The following NETO1 variants were observed in gnomAD, a reference collection of about 807,000 sequenced individuals.
NETO1 encodes neuropilin and tolloid-like protein 1.
Under a neutral mutation model 61.3 loss-of-function variants are expected in NETO1, and 26 were observed. The ratio of observed to expected loss-of-function variants is 0.42; its 90% confidence interval spans 0.31 to 0.59. NETO1 has a LOEUF of 0.59. NETO1 is among the 20% of genes least tolerant of loss of function. The pLI is 0.12. For synonymous variants in NETO1, 225 were observed against 225.8 expected (o/e 1.00, Z 0.03); for missense variants, 531 against 662.8 (o/e 0.80, Z 2.18).
rs2073535600 is a variant in NETO1, at chr18:72,830,368, G to A, written c.469+28458C>T. Among the ~76,000 whole-genome samples the A allele has an allele frequency of 6.6e-6, 1 of 152,154 alleles. No individual in the cohort carries two copies. Among genetic ancestry groups the A allele is most frequent in the Non-Finnish European group, 1.5e-5 (1 of 68,026 alleles). On this transcript the variant is annotated intron_variant, in intron 4 of 10. Transcript: ENST00000327305. This position sits in a 1 kb window ranked among gnomAD's most constrained non-coding sequence, Gnocchi z 4.9. ...ACCCCAGAAACGGGTTGGCAGGGAG[G>A]CCACAACTTCAGAGACATCAGTAGC...
intron 4 of NETO1, among the ~76,000 whole-genome samples, chr18:72,813,187 A>T (rs1288092465): frequency 6.6e-6 from 1 of 152,200 alleles, no homozygotes; most frequent in Non-Finnish European, 1.5e-5. Context: ...ACAATGTGCG[A>T]GAGAATTTTC....
rs540948597 is a variant in NETO1 at position 72,847,259 on chromosome 18, C to G, written c.469+11567G>C. Among the ~76,000 whole-genome samples the G allele has an allele frequency of 7.5e-4, 114 of 152,268 alleles. 1 individual carries two copies. The South Asian group carries it at 0.023, about 31-fold the overall frequency. On this transcript the variant is annotated intron_variant, in intron 4 of 10. Coordinates refer to ENST00000327305, the MANE Select transcript of NETO1 (RefSeq NM_138966.5). ...GCCCTGCTGATTGTGAACAGTCATA[C>G]TTTAGTGTAATCACTCTGTGATTCT...
intron 4 of NETO1, among the ~76,000 whole-genome samples, chr18:72,818,412 G>A (rs1449705565): frequency 6.6e-6 from 1 of 152,160 alleles, no homozygotes; most frequent in Non-Finnish European, 1.5e-5. Context: ...ACGCTACAAA[G>A]GCACAATGAG....
At chr18:72,779,854 G>A (rs944079823) in intron 7 of NETO1, among the ~76,000 whole-genome samples, 2 of 152,156 alleles carry the variant, frequency 1.3e-5, no homozygotes, top group South Asian at 2.1e-4. Flanking sequence ...CCACGGTTCT[G>A]GATGTTAGGA....
At chr18:72,748,558 A>G (rs956380680) in intron 10 of NETO1, among the ~76,000 whole-genome samples, 2 of 152,114 alleles carry the variant, frequency 1.3e-5, no homozygotes, top group African/African-American at 4.8e-5. Context: ...AGTACCAAAA[A>G]TATTTAGTGT....
chr18:72,786,306 C>T (rs1035328279), intron 6 of NETO1, among the ~76,000 whole-genome samples: 1 of 152,080 alleles, frequency 6.6e-6, no homozygotes, highest in Non-Finnish European at 1.5e-5. Flanking sequence ...ATGTTGCAGA[C>T]TTGTAAGATG....
intron 4 of NETO1, among the ~76,000 whole-genome samples, chr18:72,804,042 A>G (rs1296707583): frequency 6.6e-6 from 1 of 152,008 alleles, no homozygotes; most frequent in Non-Finnish European, 1.5e-5. Context: ...TAATATCTTC[A>G]TATTAATTTA....
intron 4 of NETO1, among the ~76,000 whole-genome samples, chr18:72,812,982 T>C (rs2072916395): frequency 6.6e-6 from 1 of 152,172 alleles, no homozygotes; most frequent in Admixed American, 6.5e-5. Flanking sequence ...TTTATAATAA[T>C]TGTTTTTAGG....
chr18:72,824,773 G>T (rs566979996), intron 4 of NETO1, among the ~76,000 whole-genome samples: 1 of 151,500 alleles, frequency 6.6e-6, no homozygotes, highest in African/African-American at 2.4e-5. Flanking sequence ...CAGCTACGCC[G>T]GAGGCTAAGG....
chr18:72,776,496 A>G (rs749292636), intron 7 of NETO1, among the ~76,000 whole-genome samples: 3 of 152,222 alleles, frequency 2.0e-5, no homozygotes, highest in Non-Finnish European at 2.9e-5. Context: ...GGAGCAGCTT[A>G]TGACCAACAG....
At position 72,747,351 on chromosome 18, in the gene NETO1, A is replaced by T. The variant is rs1205234769; in HGVS notation, c.*828T>A. On this transcript the variant is annotated 3_prime_UTR_variant, in exon 11 of 11. Coordinates refer to ENST00000327305, the MANE Select transcript of NETO1 (RefSeq NM_138966.5). Reference sequence around the variant, plus strand: ...CATGCTTTTCACAATGTGTCTAACAAAAAGGATATTTTCCCAACTCAAATA... The same window carrying T: ...CATGCTTTTCACAATGTGTCTAACATAAAGGATATTTTCCCAACTCAAATA... 3.3e-5 allele frequency: 5 copies of T among 152,120 alleles called. No homozygotes were observed. The highest frequency in any genetic ancestry group is 5.9e-5 in the Non-Finnish European group (4 of 67,982). The allele number at this position is 152,120 out of a possible 1,614,324, so 9.4% of individuals were successfully genotyped here.
intron 7 of NETO1, among the ~76,000 whole-genome samples, chr18:72,763,451 T>C (rs985346628): frequency 4.6e-5 from 7 of 152,078 alleles, no homozygotes; most frequent in Non-Finnish European, 1.0e-4. Flanking sequence ...TCAGACATTC[T>C]TGCTTCTTGC....
chr18:72,808,463 T>C (rs976096983), intron 4 of NETO1, among the ~76,000 whole-genome samples: 26 of 129,032 alleles, frequency 2.0e-4, no homozygotes, highest in Non-Finnish European at 3.9e-4. Context: ...GTGGAGTGTG[T>C]GTGTGGTGAG....
chr18:72,764,506 G>A (rs923407561), intron 7 of NETO1, among the ~76,000 whole-genome samples: 2 of 151,984 alleles, frequency 1.3e-5, no homozygotes, highest in African/African-American at 2.4e-5. Flanking sequence ...CCCTGTAGCT[G>A]AGCCCCCTGA....
intron 4 of NETO1, among the ~76,000 whole-genome samples, chr18:72,800,958 G>A (rs1209660668): frequency 6.6e-6 from 1 of 152,208 alleles, no homozygotes; most frequent in Non-Finnish European, 1.5e-5. Flanking sequence ...GCAGCCTCAT[G>A]TTTAACAAAC....
chr18:72,750,563 C>T lies in NETO1; in HGVS notation c.1040G>A (p.Gly347Asp). ...QLTNTSGTVI[G>D]VTSCIVIILI... ...GATGATCACGATGCAGGAAGTCACG[C>T]CAATGACAGTCCCACTGGTGTTGGT... The change falls in exon 9 of 11, where the codon GGC becomes GAC. Residue 347 changes from glycine (G) to aspartate (D), a missense_variant. Transcript: ENST00000327305. The T allele has an allele frequency of 6.2e-7, 1 of 1,612,750 alleles. No individual in the cohort carries two copies.
chr18:72,823,239 G>A (rs1391777696), intron 4 of NETO1, among the ~76,000 whole-genome samples: 1 of 152,154 alleles, frequency 6.6e-6, no homozygotes, highest in Non-Finnish European at 1.5e-5. Context: ...GGCATTAATA[G>A]TCTGGTAGTG....
At chr18:72,804,114 ATTAC>A (rs2072597463) in intron 4 of NETO1, among the ~76,000 whole-genome samples, 3 of 152,128 alleles carry the variant, frequency 2.0e-5, no homozygotes, top group South Asian at 4.1e-4. Flanking sequence ...TAATTTGAAT[ATTAC>A]TTAATAAATA....
chr18:72,749,120 G>A (rs771043320), intron 9 of NETO1, 32 bp from the exon 10 acceptor site: 1 of 1,280,312 alleles, frequency 7.8e-7, no homozygotes, highest in South Asian at 1.2e-5. Context: ...ATTCAACAAA[G>A]TACTATTTGC....
Sources: gnomAD v4.1 joint callset for allele counts (sites outside exome capture counted in the v4.1 genomes callset) on GRCh38, gnomAD v4.1.1 for gene constraint, Gnocchi (gnomAD v3.1) non-coding constraint, MANE v1.5 for transcripts, NCBI Gene and HGNC (gene_info 2026-07-23, HGNC 2026-07-21) for gene names.